Variants in PTPN20 observed in about 807,000 individuals in gnomAD.
The protein encoded by PTPN20 is tyrosine-protein phosphatase non-receptor type 20.
A neutral mutation model predicts 35.0 loss-of-function variants in PTPN20; 9 were observed. That is an observed-to-expected ratio of 0.26 (90% CI 0.15 to 0.45). The LOEUF (loss-of-function observed/expected upper bound fraction) is 0.45. PTPN20 is among the 20% of genes least tolerant of loss of function. The probability of loss-of-function intolerance (pLI) is 1.00; values close to 1 mark genes in which losing one functional copy is unlikely to be tolerated. For synonymous variants in PTPN20, 32 were observed against 100.2 expected, an observed-to-expected ratio of 0.32 and a Z score of 4.06; for missense variants, 111 against 312.5, an observed-to-expected ratio of 0.36 and a Z score of 4.86.
chr10:46,939,678 T>C (rs1204314425), intron 2 of PTPN20, among the ~76,000 whole-genome samples: 26 of 152,028 alleles, frequency 1.7e-4, no homozygotes, highest in Admixed American at 4.6e-4. Flanking sequence ...TATATCAGCT[T>C]TTTTTTTCTG....
intron 2 of PTPN20, among the ~76,000 whole-genome samples, chr10:46,939,800 T>G (rs1267538244): frequency 5.3e-5 from 8 of 150,678 alleles, no homozygotes; most frequent in Non-Finnish European, 1.0e-4. Flanking sequence ...TTCTTAATGT[T>G]TTAATTTATA....
intron 2 of PTPN20, among the ~76,000 whole-genome samples, chr10:46,937,994 G>A (rs2042284870): frequency 6.8e-6 from 1 of 147,186 alleles, no homozygotes; most frequent in Non-Finnish European, 1.5e-5. Context: ...CTGTCTCATA[G>A]GCTGGAGTGC....
rs575330666 is a variant in PTPN20, at chr10:46,945,052, A to C, written c.227+1037A>C. On this transcript the variant is annotated intron_variant, in intron 4 of 10. Coordinates refer to ENST00000374339, the MANE Select transcript of PTPN20 (RefSeq NM_001042357.5). ...AGAGGGAGAAGTTTGAGCGAGGGTAAGGAGTTGTGAAAATATCTTAGGGGT... is the reference window on the plus strand; with the variant it reads ...AGAGGGAGAAGTTTGAGCGAGGGTACGGAGTTGTGAAAATATCTTAGGGGT... 1.1e-3 allele frequency among the ~76,000 whole-genome samples: 149 copies of C among 140,920 alleles called. 2 individuals are homozygous for C. In the South Asian group the frequency reaches 0.033, roughly 31 times the overall value. 92.4% of individuals were successfully genotyped at this position (140,920 alleles called of 152,430 possible). A position where few individuals can be genotyped will look rare whatever the true frequency, so the allele number is the denominator to read the frequency against.
intron 5 of PTPN20, among the ~76,000 whole-genome samples, chr10:46,953,932 AT>A (rs1335180560): frequency 2.3e-5 from 3 of 129,616 alleles, no homozygotes; most frequent in African/African-American, 1.0e-4. Flanking sequence ...TTATAAAATT[AT>A]TTGGGAAGTG....
chr10:46,947,228 A>ATG (rs1289845696), intron 5 of PTPN20, among the ~76,000 whole-genome samples: 3 of 140,634 alleles, frequency 2.1e-5, no homozygotes, highest in African/African-American at 7.7e-5. Context: ...ATATATATAT[A>ATG]TATATATTTA....
chr10:46,952,970 C>T (rs1312383663), intron 5 of PTPN20, among the ~76,000 whole-genome samples: 4 of 145,354 alleles, frequency 2.8e-5, no homozygotes, highest in Admixed American at 6.9e-5. Flanking sequence ...TTTCTCCTGA[C>T]GGAAGCATTC....
intron 2 of PTPN20, among the ~76,000 whole-genome samples, chr10:46,936,259 A>G (rs1247632218): frequency 9.9e-5 from 15 of 152,042 alleles, no homozygotes; most frequent in Non-Finnish European, 1.9e-4. Context: ...GGAATGAGAT[A>G]GGGAGGAGTC....
At position 46,999,848 on chromosome 10, in the gene PTPN20, C is replaced by G. The variant is rs2059788665; in HGVS notation, c.1135-64C>G. 6 of 1,569,592 alleles carry G rather than the reference C, an allele frequency of 3.8e-6. No individual in the cohort carries two copies. In the Admixed American group the frequency reaches 8.5e-5, roughly 22 times the overall value. On this transcript the variant is annotated intron_variant, in intron 9 of 10. Transcript: ENST00000374339. ...TTGACATCTCTTTCACCCTTTTTGG[C>G]AATCTGTGAATTTGTGTTTTTCCCC...
At chr10:46,933,237 C>T (rs1333310175) in intron 2 of PTPN20, among the ~76,000 whole-genome samples, 2 of 138,982 alleles carry the variant, frequency 1.4e-5, no homozygotes, top group Non-Finnish European at 3.0e-5. Context: ...TTTGATTTGT[C>T]TATATACTGT....
chr10:46,955,095 G>A (rs1357394320), intron 5 of PTPN20: 1 of 150,688 alleles, frequency 6.6e-6, no homozygotes, highest in Non-Finnish European at 1.5e-5. Context: ...TTTGTGTAAA[G>A]GACTTGAGCA....
chr10:46,953,879 T>C (rs1383710749), intron 5 of PTPN20, among the ~76,000 whole-genome samples: 4 of 140,202 alleles, frequency 2.9e-5, no homozygotes, highest in Non-Finnish European at 6.0e-5. Context: ...TTTCTTTTTT[T>C]GTGATATCTT....
intron 5 of PTPN20, chr10:46,946,959 T>G (rs2044976363): frequency 2.6e-6 from 1 of 378,150 alleles, no homozygotes; most frequent in African/African-American, 2.2e-5. Context: ...TTTTATAGAT[T>G]TGAAAAATAA....
At chr10:46,937,431 A>T (rs1400528480) in intron 2 of PTPN20, among the ~76,000 whole-genome samples, 1 of 152,190 alleles carries the variant, frequency 6.6e-6, no homozygotes, top group Admixed American at 6.6e-5. Flanking sequence ...CTAGTTTGGT[A>T]ACACTTCAGC....
chr10:46,995,549 T>A (rs2058949445), intron 9 of PTPN20, among the ~76,000 whole-genome samples: 1 of 152,126 alleles, frequency 6.6e-6, no homozygotes, highest in East Asian at 1.9e-4. Flanking sequence ...TTCTGCAATG[T>A]GGTGCTACTA....
intron 5 of PTPN20, among the ~76,000 whole-genome samples, chr10:46,949,287 A>G (rs1400291800): frequency 1.3e-5 from 2 of 152,140 alleles, no homozygotes; most frequent in South Asian, 2.1e-4. Flanking sequence ...AATGTGTGCA[A>G]GTTCTTTTTG....
intron 5 of PTPN20, among the ~76,000 whole-genome samples, chr10:46,950,118 AT>A (rs1187356426): frequency 8.5e-6 from 1 of 117,150 alleles, no homozygotes; most frequent in Admixed American, 9.3e-5. Context: ...ATAATTTGGT[AT>A]TTTTTTAGTG....
rs1243599371 is a variant in PTPN20 at position 47,001,657 on chromosome 10, A to G, written c.*916A>G. On this transcript the variant is annotated 3_prime_UTR_variant, in exon 11 of 11. Coordinates refer to ENST00000374339, the MANE Select transcript of PTPN20 (RefSeq NM_001042357.5). The stretch of plus-strand genomic sequence containing the variant: ...TATTTTTCAAACTAAGATCTATGAT[A>G]GTTTTTTTTCCAGAGTTCCATTAAA... 2.0e-5 allele frequency: 3 copies of G among 152,110 alleles called. No homozygotes were observed. The highest frequency in any genetic ancestry group is 7.2e-5 in the African/African-American group (3 of 41,444). 9.4% of individuals were successfully genotyped at this position (152,110 alleles called of 1,614,324 possible).
At chr10:46,925,560 G>A (rs2036990186) in intron 1 of PTPN20, among the ~76,000 whole-genome samples, 1 of 147,142 alleles carries the variant, frequency 6.8e-6, no homozygotes, top group Non-Finnish European at 1.5e-5. Flanking sequence ...AGAAACTCAG[G>A]GTTCAAACCA....
intron 1 of PTPN20, among the ~76,000 whole-genome samples, chr10:46,919,202 A>G (rs1241754767): frequency 2.6e-5 from 4 of 152,332 alleles, no homozygotes; most frequent in Admixed American, 2.6e-4. Context: ...TAGACAGTAT[A>G]TAATTGGATC....
Sources: allele counts gnomAD v4.1 joint callset (sites outside exome capture counted in the v4.1 genomes callset), GRCh38; gene constraint gnomAD v4.1.1; transcripts MANE v1.5; gene names NCBI Gene and HGNC (gene_info 2026-07-23, HGNC 2026-07-21).